Variants in LARP7 observed in about 807,000 individuals in gnomAD.
LARP7 encodes La ribonucleoprotein 7, transcriptional regulator, also known as la-related protein 7.
Under a neutral mutation model 69.3 loss-of-function variants are expected in LARP7, and 52 were observed. That is an observed-to-expected ratio of 0.75 (90% CI 0.60 to 0.95). The LOEUF is 0.95. Among genes scored for constraint, LARP7 ranks in the 40% least tolerant of loss-of-function variants. LARP7 has a pLI of 0.00. For synonymous variants in LARP7, 254 were observed against 215.9 expected (o/e 1.18, Z -1.55); for missense variants, 733 against 673.0 (o/e 1.09, Z -0.99).
chr4:112,656,692 C>T (rs1261965437), intron 12 of LARP7, among the ~76,000 whole-genome samples: 1 of 152,180 alleles, frequency 6.6e-6, no homozygotes, highest in Non-Finnish European at 1.5e-5. Flanking sequence ...AATTTGTGAA[C>T]AGCAGCATGG....
In LARP7 at chr4:112,650,536, T is replaced by G; in HGVS notation, c.1370T>G (p.Val457Gly). ...TGPQFVSGVI[V>G]KIISTEPLPG... ...CCACAGTTCGTGAGTGGAGTGATTG[T>G]GAAGATCATTAGCACAGAGCCTCTA... The change falls in exon 10 of 13, where the codon GTG (valine) becomes GGG (glycine). Residue 457 changes from valine (V) to glycine (G), a missense_variant. Coordinates refer to ENST00000344442, the MANE Select transcript of LARP7 (RefSeq NM_016648.4). The G allele has an allele frequency of 4.3e-6, 7 of 1,613,814 alleles. No homozygotes were observed. Among genetic ancestry groups the G allele is most frequent in the Non-Finnish European group, 5.1e-6 (6 of 1,179,796 alleles).
intron 10 of LARP7, among the ~76,000 whole-genome samples, chr4:112,650,804 A>C (rs1163616491): frequency 2.0e-5 from 3 of 152,186 alleles, no homozygotes; most frequent in Non-Finnish European, 4.4e-5. Flanking sequence ...AGCACAGTTT[A>C]AACATCCTTC....
chr4:112,653,322 G>GTT lies in LARP7; in HGVS notation c.1576+97_1576+98dup, dbSNP rs1331034655. 3.5e-3 allele frequency: 3,030 copies of GTT among 867,516 alleles called. 6 individuals are homozygous for GTT. Among genetic ancestry groups the GTT allele is most frequent in the African/African-American group, 0.018 (1,004 of 55,100 alleles). The allele number at this position is 867,516 out of a possible 1,614,324, so 53.7% of individuals were successfully genotyped here. A position where few individuals can be genotyped will look rare whatever the true frequency, so the allele number is the denominator to read the frequency against. On this transcript the variant is annotated intron_variant, in intron 11 of 12. Transcript: ENST00000344442. ...TTTCTGAGTTTGGCTAATGAAACTA[G>GTT]TTTTTTTTTTTTGGTCTTGCTCTGT...
chr4:112,646,984 G>T, intron 5 of LARP7, 29 bp downstream of exon 5: 2 of 1,459,742 alleles, frequency 1.4e-6, no homozygotes, highest in Non-Finnish European at 1.8e-6. Flanking sequence ...AAAAAAAAAA[G>T]AAAGAAAAGA....
intron 8 of LARP7, chr4:112,648,238 C>T (rs564323934): frequency 7.5e-6 from 4 of 532,270 alleles, no homozygotes; most frequent in Admixed American, 1.9e-5. Flanking sequence ...AGTACATCCA[C>T]GTTTAAGTGG....
chr4:112,649,548 G>A lies in LARP7; in HGVS notation c.1156G>A (p.Asp386Asn). ...CTTTCCTTGTAGGAGCGAATGGATG[G>A]ATTTGAAAAAAGAGTATTTAGCGCT... ...LRVLSKSEWM[D>N]LKKEYLALQK... is the part of the protein sequence containing the mutation. The change falls in exon 9 of 13, where the codon GAT (aspartate) becomes AAT (asparagine). Residue 386 changes from aspartate to asparagine, a missense_variant. Physicochemically the swap from Asp to Asn is conservative, Grantham distance 23. Coordinates refer to ENST00000344442, the MANE Select transcript of LARP7 (RefSeq NM_016648.4). 1 of 1,598,926 alleles carries A rather than the reference G, an allele frequency of 6.3e-7. No individual in the cohort carries two copies. Among genetic ancestry groups the A allele is most frequent in the Non-Finnish European group, 8.5e-7 (1 of 1,173,624 alleles).
At position 112,645,682 on chromosome 4, in the gene LARP7, C is replaced by T. The variant is rs942511968; in HGVS notation, c.203-669C>T. The T allele has an allele frequency of 2.0e-5, 9 of 443,876 alleles. 1 individual carries two copies. Among genetic ancestry groups the T allele is most frequent in the African/African-American group, 1.4e-4 (7 of 48,772 alleles). 27.5% of individuals were successfully genotyped at this position (443,876 alleles called of 1,614,324 possible). ...ACACAGGCAAGCATCACCAGGCCGG[C>T]TTTTTTTTCTGGCATTTTTAAGAGA... On this transcript the variant is annotated intron_variant, in intron 2 of 12. Coordinates refer to ENST00000344442, the MANE Select transcript of LARP7 (RefSeq NM_016648.4).
In LARP7 at chr4:112,653,035, C is replaced by T. The variant is rs190866148; in HGVS notation, c.1417-42C>T. 53 of 1,484,914 alleles carry T rather than the reference C, an allele frequency of 3.6e-5. No homozygotes were observed. The African/African-American group carries it at 7.3e-4, about 20-fold the overall frequency. The allele number at this position is 1,484,914 out of a possible 1,614,324, so 92.0% of individuals were successfully genotyped here. On this transcript the variant is annotated intron_variant, in intron 10 of 12. Transcript: ENST00000344442. ...GAATAGTTTTAGAATTATTGTGAAA[C>T]TTTTTAAATTTTATTTGTCTTTCTA...
Position 112,653,054 on chromosome 4 carries a change from C to CT in LARP7, c.1417-20dup, listed in dbSNP as rs749171254. The CT allele has an allele frequency of 5.2e-6, 8 of 1,545,392 alleles. No homozygotes were observed. In the Admixed American group the frequency reaches 1.1e-4, roughly 21 times the overall value. On this transcript the variant is annotated intron_variant, in intron 10 of 12. Coordinates refer to ENST00000344442, the MANE Select transcript of LARP7 (RefSeq NM_016648.4). ...GTGAAACTTTTTAAATTTTATTTGT[C>CT]TTTCTACTTAACTCTAATGCAGGAT...
chr4:112,648,687 C>T (rs2048526721), intron 8 of LARP7: 1 of 363,270 alleles, frequency 2.8e-6, no homozygotes, highest in Middle Eastern at 5.7e-4. Flanking sequence ...TTCGTGTTCT[C>T]CTCCAGAAGG....
At position 112,641,231 on chromosome 4, in the gene LARP7, CA is replaced by C. The variant is rs938093592; in HGVS notation, c.-2-3428del. Reference sequence around the variant, plus strand: ...TGAAACCCCGTCTCTACTAAAAATACAAAAAAAAATTAGCCAGGCGTGGTGG... The same window carrying C: ...TGAAACCCCGTCTCTACTAAAAATACAAAAAAAATTAGCCAGGCGTGGTGG... On this transcript the variant is annotated intron_variant, in intron 1 of 12. Coordinates refer to ENST00000344442, the MANE Select transcript of LARP7 (RefSeq NM_016648.4). Among the ~76,000 whole-genome samples the C allele has an allele frequency of 2.3e-4, 34 of 150,742 alleles. No homozygotes were observed. The East Asian group carries it at 6.6e-3, about 29-fold the overall frequency.
intron 2 of LARP7, chr4:112,645,414 T>C (rs2048144053): frequency 1.2e-5 from 5 of 425,338 alleles, no homozygotes; most frequent in Admixed American, 2.6e-5. Flanking sequence ...TATTTTGGGA[T>C]TTAATTGCTT....
intron 8 of LARP7, chr4:112,648,095 T>C (rs763197825): frequency 1.7e-6 from 1 of 584,374 alleles, no homozygotes; most frequent in Non-Finnish European, 3.4e-6. Flanking sequence ...GATGTAAAAA[T>C]ACAAAATAAA....
chr4:112,656,137 GC>G lies in LARP7; in HGVS notation c.1669-1109del, dbSNP rs1238236147. Among the ~76,000 whole-genome samples the G allele has an allele frequency of 5.9e-5, 9 of 152,320 alleles. No homozygotes were observed. In the East Asian group the frequency reaches 1.7e-3, roughly 29 times the overall value. ...TCACATTATGGGGCCAGGCACGGTG[GC>G]TCATGCCTATAATCCCAGCACTTTA... On this transcript the variant is annotated intron_variant, in intron 12 of 12. Coordinates refer to ENST00000344442, the MANE Select transcript of LARP7 (RefSeq NM_016648.4).
chr4:112,653,215 T>C lies in LARP7; in HGVS notation c.1555T>C (p.Trp519Arg), dbSNP rs1044070452. Residue 519 changes from tryptophan to arginine, a missense_variant, in exon 11 of 13, where the codon TGG becomes CGG. By Grantham distance (101) the Trp-to-Arg change is moderately radical (BLOSUM62 -3). Transcript: ENST00000344442. ...TACAGAAATTAACAAGAAACACTGC[T>C]GGAAACTCGAGATCCTTTCTGGTAA... is the stretch of plus-strand genomic sequence containing the variant. ...AYTEINKKHC[W>R]KLEILSGDHE... The C allele has an allele frequency of 2.5e-6, 4 of 1,587,688 alleles. No individual in the cohort carries two copies. The highest frequency in any genetic ancestry group is 3.4e-6 in the Non-Finnish European group (4 of 1,171,660).
intron 1 of LARP7, among the ~76,000 whole-genome samples, chr4:112,639,724 T>G (rs1198928720): frequency 6.6e-6 from 1 of 152,124 alleles, no homozygotes; most frequent in African/African-American, 2.4e-5. Context: ...TATTGGCATA[T>G]TCTAGTGACA....
intron 10 of LARP7, among the ~76,000 whole-genome samples, chr4:112,650,802 T>A (rs1038667650): frequency 1.1e-4 from 16 of 152,308 alleles, no homozygotes; most frequent in African/African-American, 3.8e-4. Flanking sequence ...TAAGCACAGT[T>A]TAAACATCCT....
intron 12 of LARP7, among the ~76,000 whole-genome samples, chr4:112,656,804 G>A (rs1240791849): frequency 1.3e-5 from 2 of 151,978 alleles, no homozygotes; most frequent in South Asian, 4.1e-4. Context: ...ATTGCCATAT[G>A]GTACCAAACA....
chr4:112,652,816 A>G (rs904437254), intron 10 of LARP7, among the ~76,000 whole-genome samples: 6 of 151,874 alleles, frequency 4.0e-5, no homozygotes, highest in Admixed American at 3.3e-4. Context: ...TTGTCCTTAT[A>G]GAATATTCCC....
Sources: gnomAD v4.1 joint callset for allele counts (sites outside exome capture counted in the v4.1 genomes callset) on GRCh38, gnomAD v4.1.1 for gene constraint, MANE v1.5 for transcripts, NCBI Gene and HGNC (gene_info 2026-07-23, HGNC 2026-07-21) for gene names.